The following HYAL4 variants were observed in gnomAD, a reference collection of about 807,000 sequenced individuals.
The protein encoded by HYAL4 is hyaluronidase-4.
A neutral mutation model predicts 35.2 loss-of-function variants in HYAL4; 37 were observed. The ratio of observed to expected loss-of-function variants is 1.05; its 90% CI spans 0.81 to 1.38. The LOEUF is 1.38. Among genes scored for constraint, HYAL4 ranks in the 40% most tolerant of loss-of-function variants. The pLI is 0.00. For missense variants in HYAL4, 572 were observed against 572.4 expected (o/e 1.00, Z 0.01); for synonymous variants, 198 against 203.2 (o/e 0.97, Z 0.22).
intron 1 of HYAL4, among the ~76,000 whole-genome samples, chr7:123,836,262 G>T (rs532233028): frequency 3.3e-5 from 5 of 152,278 alleles, no homozygotes; most frequent in African/African-American, 9.6e-5. Context: ...GGGAGCTCCA[G>T]TGTTAGGTGC....
chr7:123,816,033 C>A, the HYAL4 span, among the ~76,000 whole-genome samples: 1 of 152,088 alleles, frequency 6.6e-6, no homozygotes, highest in Non-Finnish European at 1.5e-5. Flanking sequence ...AGCATTATGA[C>A]AAAAATTTGG....
At chr7:123,794,589 G>A in the HYAL4 span, among the ~76,000 whole-genome samples, 3 of 152,320 alleles carry the variant, frequency 2.0e-5, no homozygotes, top group East Asian at 5.8e-4. Context: ...GTACAGCTCA[G>A]GCTGTTGCTT....
chr7:123,809,791 A>T, the HYAL4 span, among the ~76,000 whole-genome samples: 2 of 151,848 alleles, frequency 1.3e-5, no homozygotes, highest in African/African-American at 2.4e-5. Context: ...CATCTCTCTT[A>T]CCTGCTAGTT....
At chr7:123,857,132 G>A (rs1351894745) in intron 2 of HYAL4, among the ~76,000 whole-genome samples, 2 of 152,158 alleles carry the variant, frequency 1.3e-5, no homozygotes, top group African/African-American at 2.4e-5. Flanking sequence ...CCGTGGAGGT[G>A]GGATCCGTTG....
At chr7:123,794,479 G>T in the HYAL4 span, among the ~76,000 whole-genome samples, 1 of 152,148 alleles carries the variant, frequency 6.6e-6, no homozygotes, top group Admixed American at 6.5e-5. Context: ...TGTTTCCTGG[G>T]CCAGGCCCAT....
the HYAL4 span, among the ~76,000 whole-genome samples, chr7:123,807,919 T>TTATTAC: frequency 5.7e-5 from 8 of 140,352 alleles, no homozygotes; most frequent in African/African-American, 1.9e-4. Context: ...TGGATAATTA[T>TTATTAC]TATTATTATT....
upstream of HYAL4, among the ~76,000 whole-genome samples, chr7:123,828,741 A>G (rs968763804): frequency 1.3e-5 from 2 of 152,158 alleles, no homozygotes; most frequent in Non-Finnish European, 2.9e-5. Flanking sequence ...CCTGGAAATG[A>G]TACGAATTTG....
chr7:123,858,953 A>C (rs962594577), intron 2 of HYAL4, among the ~76,000 whole-genome samples: 1 of 152,196 alleles, frequency 6.6e-6, no homozygotes, highest in African/African-American at 2.4e-5. Flanking sequence ...CAAAGAAAGC[A>C]ATCAGATTTG....
the HYAL4 span, among the ~76,000 whole-genome samples, chr7:123,778,563 C>T: frequency 1.5e-4 from 23 of 151,142 alleles, no homozygotes; most frequent in Non-Finnish European, 3.4e-4. Context: ...TTGTTTCGTA[C>T]GATGTCTTTT....
chr7:123,839,207 A>C (rs531814048), intron 1 of HYAL4, among the ~76,000 whole-genome samples: 13 of 151,920 alleles, frequency 8.6e-5, no homozygotes, highest in Non-Finnish European at 5.9e-5. Context: ...TCATTGTTCA[A>C]TTCCCACCTA....
upstream of HYAL4, among the ~76,000 whole-genome samples, chr7:123,840,584 G>A (rs528086909): frequency 8.5e-5 from 13 of 152,122 alleles, no homozygotes; most frequent in South Asian, 2.5e-3. Context: ...GGGCAGTACG[G>A]CCATTTTCAC....
chr7:123,841,627 T>G (rs1373264831), upstream of HYAL4, among the ~76,000 whole-genome samples: 1 of 151,716 alleles, frequency 6.6e-6, no homozygotes, highest in Non-Finnish European at 1.5e-5. Context: ...GGTCCTGGAC[T>G]TTTTTTTGGT....
the HYAL4 span, among the ~76,000 whole-genome samples, chr7:123,785,993 C>G: frequency 6.6e-6 from 1 of 151,794 alleles, no homozygotes; most frequent in East Asian, 1.9e-4. The surrounding 1 kb of genome is among the most constrained non-coding windows in gnomAD (Gnocchi z 4.5). Context: ...AACTACAACT[C>G]CTTGCTAGAA....
chr7:123,843,895 T>G (rs1211623758), upstream of HYAL4, among the ~76,000 whole-genome samples: 2 of 151,986 alleles, frequency 1.3e-5, no homozygotes, highest in East Asian at 3.9e-4. Flanking sequence ...TAGCCATTCA[T>G]CTAATCTTTT....
the HYAL4 span, among the ~76,000 whole-genome samples, chr7:123,766,170 G>A: frequency 6.6e-6 from 1 of 152,038 alleles, no homozygotes; most frequent in Non-Finnish European, 1.5e-5. Flanking sequence ...TCTGTACTGA[G>A]GGACATTACG....
At chr7:123,806,998 C>G in the HYAL4 span, among the ~76,000 whole-genome samples, 14 of 152,150 alleles carry the variant, frequency 9.2e-5, no homozygotes, top group East Asian at 2.1e-3. Flanking sequence ...CTACAGTTAC[C>G]CCAGCTCCTG....
intron 1 of HYAL4, among the ~76,000 whole-genome samples, chr7:123,837,063 T>C (rs1805976466): frequency 6.6e-6 from 1 of 152,012 alleles, no homozygotes; most frequent in Non-Finnish European, 1.5e-5. Flanking sequence ...AAAAAAAAGA[T>C]TTGGGCTCCT....
chr7:123,850,464 C>A (rs1026530404), intron 2 of HYAL4, among the ~76,000 whole-genome samples: 3 of 152,130 alleles, frequency 2.0e-5, no homozygotes, highest in Non-Finnish European at 4.4e-5. Context: ...TGGTCTCTAA[C>A]TCTTGGGCTC....
the HYAL4 span, among the ~76,000 whole-genome samples, chr7:123,792,273 G>C: frequency 1.3e-5 from 2 of 152,212 alleles, no homozygotes; most frequent in African/African-American, 4.8e-5. Context: ...AACACGGTAC[G>C]TATTTATTGG....
Sources: gnomAD v4.1 joint callset for allele counts (sites outside exome capture counted in the v4.1 genomes callset) on GRCh38, gnomAD v4.1.1 for gene constraint, Gnocchi (gnomAD v3.1) non-coding constraint, MANE v1.5 for transcripts, NCBI Gene and HGNC (gene_info 2026-07-23, HGNC 2026-07-21) for gene names.